Variants in SEMA4F observed in about 807,000 individuals in gnomAD.
SEMA4F encodes semaphorin-4F.
SEMA4F carries 51 observed loss-of-function variants against 78.4 expected under a neutral mutation model. That is an observed-to-expected ratio of 0.65 (90% CI 0.52 to 0.82). SEMA4F has a LOEUF of 0.82. SEMA4F is among the 40% of genes least tolerant of loss of function. SEMA4F has a pLI of 0.00. For missense variants in SEMA4F, 938 were observed against 1,014.4 expected (o/e 0.92, Z 1.02); for synonymous variants, 418 against 408.7 (o/e 1.02, Z -0.27).
chr2:74,706,822 A>T, the SEMA4F span, among the ~76,000 whole-genome samples: 1 of 136,646 alleles, frequency 7.3e-6, no homozygotes, highest in South Asian at 2.3e-4. Flanking sequence ...TTTATACTCC[A>T]TTGAGCACTT....
At chr2:74,695,417 T>A in the SEMA4F span, among the ~76,000 whole-genome samples, 1 of 152,262 alleles carries the variant, frequency 6.6e-6, no homozygotes, top group East Asian at 1.9e-4. Flanking sequence ...TTTGTCGTCC[T>A]CAGCCTTGCC....
rs1414968685 is a variant in SEMA4F at position 74,662,682 on chromosome 2, A to G, written c.457-50A>G. The stretch of plus-strand genomic sequence containing the variant: ...TCTGACCATCTTTGTAATTCTCACC[A>G]TGAACCTTCCCTATGACCCCTAAAC... On this transcript the variant is annotated intron_variant, in intron 4 of 13. Coordinates refer to ENST00000357877, the MANE Select transcript of SEMA4F (RefSeq NM_004263.5). 2.0e-6 allele frequency: 3 copies of G among 1,476,308 alleles called. No individual in the cohort carries two copies. The South Asian group carries it at 3.4e-5, about 17-fold the overall frequency. The allele number at this position is 1,476,308 out of a possible 1,614,324, so 91.5% of individuals were successfully genotyped here.
chr2:74,706,524 T>C, the SEMA4F span, among the ~76,000 whole-genome samples: 1 of 152,100 alleles, frequency 6.6e-6, no homozygotes, highest in African/African-American at 2.4e-5. Flanking sequence ...GATGTCAGAT[T>C]TCAGGAATCA....
intron 12 of SEMA4F, among the ~76,000 whole-genome samples, chr2:74,677,670 G>A (rs1483947566): frequency 6.6e-6 from 1 of 152,276 alleles, no homozygotes. Flanking sequence ...TTTGCAAACT[G>A]ACCTTGAGAT....
intron 1 of SEMA4F, 133 bp downstream of exon 1, chr2:74,654,654 G>C: frequency 1.4e-6 from 1 of 731,550 alleles, no homozygotes. Context: ...CCCACGCCCC[G>C]CCGGGACCGG....
At chr2:74,696,092 ATCTT>A in the SEMA4F span, among the ~76,000 whole-genome samples, 1 of 151,976 alleles carries the variant, frequency 6.6e-6, no homozygotes, top group African/African-American at 2.4e-5. Context: ...TTTTGAAAAA[ATCTT>A]TATTAATTTC....
At chr2:74,696,671 A>G in the SEMA4F span, among the ~76,000 whole-genome samples, 2 of 152,172 alleles carry the variant, frequency 1.3e-5, no homozygotes, top group Non-Finnish European at 2.9e-5. Context: ...TAAAGAACTT[A>G]CTCATGTAAC....
rs1573218506 is a variant in SEMA4F at position 74,654,480 on chromosome 2, G to A, written c.104G>A (p.Arg35His). 6.4e-7 allele frequency: 1 copy of A among 1,573,286 alleles called. No individual in the cohort carries two copies. The highest frequency in any genetic ancestry group is 1.4e-5 in the African/African-American group (1 of 71,376). ...LAVLSGPVSG[R>H]VPRSVPRTSL... is the part of the protein sequence containing the mutation. The stretch of plus-strand genomic sequence containing the variant: ...GTGCTGAGCGGCCCGGTATCCGGCC[G>A]CGTCCCCCGCTCGGTGCCCAGAACC... Residue 35 changes from arginine (R) to histidine (H), a missense_variant, in exon 1 of 14, where the codon CGC (arginine) becomes CAC (histidine). Transcript: ENST00000357877.
chr2:74,709,011 C>T, the SEMA4F span, among the ~76,000 whole-genome samples: 1 of 152,056 alleles, frequency 6.6e-6, no homozygotes, highest in Admixed American at 6.6e-5. Context: ...ACAAAAAACA[C>T]AAAAAGAGCT....
the SEMA4F span, among the ~76,000 whole-genome samples, chr2:74,689,943 G>A: frequency 6.6e-6 from 1 of 152,224 alleles, no homozygotes; most frequent in East Asian, 1.9e-4. Context: ...GGAATGACTG[G>A]TGCTTCTTTA....
chr2:74,654,282 G>A lies in SEMA4F; in HGVS notation c.-95G>A. 7.5e-7 allele frequency: 1 copy of A among 1,336,088 alleles called. No homozygotes were observed. The highest frequency in any genetic ancestry group is 3.1e-5 in the East Asian group (1 of 32,054). The allele number at this position is 1,336,088 out of a possible 1,614,324, so 82.8% of individuals were successfully genotyped here. A position where few individuals can be genotyped will look rare whatever the true frequency, so the allele number is the denominator to read the frequency against. On this transcript the variant is annotated 5_prime_UTR_variant, in exon 1 of 14. Transcript: ENST00000357877. ...TCAGCCTCAGGCTGAGCCGGACCGA[G>A]CCGAGAGGACCCGAGTGGGGCCGAG...
chr2:74,672,670 C>G (rs1685046110), intron 5 of SEMA4F, among the ~76,000 whole-genome samples: 1 of 152,120 alleles, frequency 6.6e-6, no homozygotes, highest in South Asian at 2.1e-4. Context: ...AGCTGAACCC[C>G]CCTTCCTTCT....
At chr2:74,690,845 A>T in the SEMA4F span, among the ~76,000 whole-genome samples, 3 of 152,212 alleles carry the variant, frequency 2.0e-5, no homozygotes, top group Non-Finnish European at 2.9e-5. Context: ...TCTGTCAATT[A>T]TCTGTCTTCA....
chr2:74,661,592 C>T (rs1408636886), intron 4 of SEMA4F, among the ~76,000 whole-genome samples: 5 of 152,226 alleles, frequency 3.3e-5, no homozygotes, highest in African/African-American at 9.6e-5. Context: ...CACTGTCACA[C>T]AGCTGGAGTG....
the SEMA4F span, among the ~76,000 whole-genome samples, chr2:74,707,585 A>G: frequency 2.2e-3 from 330 of 152,168 alleles, 9 homozygotes; most frequent in East Asian, 0.058. Context: ...CTCTTGCCTG[A>G]AACAATAACA....
chr2:74,680,030 T>C lies in SEMA4F; in HGVS notation c.2134T>C (p.Tyr712His), dbSNP rs773740589. ...LGAPPSGTTSYSQDPPSPSPE... is the reference protein window; with the variant it reads ...LGAPPSGTTSHSQDPPSPSPE... ...GGCTCCACCTTCTGGGACCACAAGC[T>C]ACAGCCAAGACCCTCCCTCCCCCTC... Residue 712 changes from tyrosine to histidine, a missense_variant, in exon 14 of 14, where the codon TAC becomes CAC. Tyr to His is a moderately conservative substitution (Grantham distance 83). Transcript: ENST00000357877. 16 of 1,614,192 alleles carry C rather than the reference T, an allele frequency of 9.9e-6. No homozygotes were observed. The South Asian group carries it at 1.6e-4, about 17-fold the overall frequency.
chr2:74,661,559 T>G lies in SEMA4F; in HGVS notation c.457-1173T>G, dbSNP rs186878281. On this transcript the variant is annotated intron_variant, in intron 4 of 13. Coordinates refer to ENST00000357877, the MANE Select transcript of SEMA4F (RefSeq NM_004263.5). ...TGTTAATCTCTCACCAAACCCATCTTTCTTCTCAGGTGAGGATGCTCCCAC... is the reference window on the plus strand; with the variant it reads ...TGTTAATCTCTCACCAAACCCATCTGTCTTCTCAGGTGAGGATGCTCCCAC... Among the ~76,000 whole-genome samples, 16 of 152,332 alleles carry G rather than the reference T, an allele frequency of 1.1e-4. No individual in the cohort carries two copies. The East Asian group carries it at 2.5e-3, about 24-fold the overall frequency.
the SEMA4F span, among the ~76,000 whole-genome samples, chr2:74,705,829 A>G: frequency 1.3e-5 from 2 of 152,208 alleles, no homozygotes; most frequent in Admixed American, 1.3e-4. Flanking sequence ...GCCTCTCAAA[A>G]GCACTGGGAT....
intron 7 of SEMA4F, 50 bp downstream of exon 7, chr2:74,673,878 C>T (rs1029861120): frequency 6.4e-7 from 1 of 1,572,660 alleles, no homozygotes; most frequent in Non-Finnish European, 8.6e-7. Context: ...TCTGTCTGTC[C>T]CCCGTCTTAT....
Sources: gnomAD v4.1 joint callset for allele counts (sites outside exome capture counted in the v4.1 genomes callset) on GRCh38, gnomAD v4.1.1 for gene constraint, MANE v1.5 for transcripts, NCBI Gene and HGNC (gene_info 2026-07-23, HGNC 2026-07-21) for gene names.